The following FGF13 variants were observed in gnomAD, a reference collection of about 807,000 sequenced individuals.
FGF13 encodes fibroblast growth factor 13, also known as fibroblast growth factor homologous factor 2.
In FGF13, 2 loss-of-function variants were observed where a neutral mutation model predicts 19.5. The observed-to-expected ratio is 0.10, with a 90% CI of 0.04 to 0.32. FGF13 has a LOEUF of 0.32. Ranked by LOEUF, FGF13 falls within the 10% of genes least tolerant of loss-of-function variation. The pLI, the probability that FGF13 is intolerant of heterozygous loss-of-function variation, is 1.00. For synonymous variants in FGF13, 72 were observed against 76.9 expected (o/e 0.94, Z 0.33); for missense variants, 113 against 192.7 (o/e 0.59, Z 2.45).
chrX:138,804,237 G>C (rs2090850063), intron 3 of FGF13, among the ~76,000 whole-genome samples: 1 of 112,251 alleles, frequency 8.9e-6, no homozygotes, highest in Admixed American at 9.5e-5. Flanking sequence ...CTCTGCTTCT[G>C]ATTTATCCTC....
At chrX:139,090,813 C>T (rs186086020) in intron 1 of FGF13, among the ~76,000 whole-genome samples, 131 of 109,077 alleles carry the variant, frequency 1.2e-3, no homozygotes, top group Non-Finnish European at 2.0e-3. Context: ...TGCTAGTGCA[C>T]GGCTGCAGTC....
intron 2 of FGF13, among the ~76,000 whole-genome samples, chrX:138,861,311 G>C (rs2091287105): frequency 8.9e-6 from 1 of 112,260 alleles, no homozygotes; most frequent in Non-Finnish European, 1.9e-5. Flanking sequence ...GGTAAAGAAA[G>C]AACCAATCTT....
At chrX:138,641,845 A>C (rs1339965766) in intron 3 of FGF13, among the ~76,000 whole-genome samples, 1 of 112,002 alleles carries the variant, frequency 8.9e-6, no homozygotes, top group Admixed American at 9.5e-5. Flanking sequence ...CGATAAACAG[A>C]ATATGGATTG....
chrX:138,664,758 A>T (rs2089524216), intron 3 of FGF13, among the ~76,000 whole-genome samples: 1 of 111,100 alleles, frequency 9.0e-6, no homozygotes, highest in African/African-American at 3.3e-5. Context: ...GAAACAGAAG[A>T]AAAAAGATAG....
At chrX:138,749,676 A>G (rs1317471695) in intron 3 of FGF13, among the ~76,000 whole-genome samples, 1 of 111,723 alleles carries the variant, frequency 9.0e-6, no homozygotes, top group Non-Finnish European at 1.9e-5. Flanking sequence ...CAGATTTCAC[A>G]AGTACAAAGA....
chrX:139,024,694 C>T (rs2092194089), intron 1 of FGF13, among the ~76,000 whole-genome samples: 1 of 111,375 alleles, frequency 9.0e-6, no homozygotes, highest in African/African-American at 3.3e-5. Context: ...TTTAATGGAA[C>T]CTGGCTCTTC....
At chrX:138,811,887 C>G (rs2090928340) in intron 3 of FGF13, among the ~76,000 whole-genome samples, 1 of 110,970 alleles carries the variant, frequency 9.0e-6, no homozygotes, top group Non-Finnish European at 1.9e-5. Flanking sequence ...CCAATCCAAT[C>G]CATCATTACA....
chrX:138,744,750 T>A (rs1385968501), intron 3 of FGF13, among the ~76,000 whole-genome samples: 2 of 111,203 alleles, frequency 1.8e-5, no homozygotes, highest in East Asian at 2.9e-4. Flanking sequence ...AGCCCAGGGG[T>A]TAAAGGAACG....
chrX:138,780,806 C>G (rs2090634925), intron 3 of FGF13, among the ~76,000 whole-genome samples: 1 of 110,913 alleles, frequency 9.0e-6, no homozygotes, highest in Non-Finnish European at 1.9e-5. Context: ...ACCTCTGCAC[C>G]AAGCGGACCG....
intron 3 of FGF13, among the ~76,000 whole-genome samples, chrX:138,810,990 GT>G (rs1184031189): frequency 8.9e-6 from 1 of 112,225 alleles, no homozygotes; most frequent in Non-Finnish European, 1.9e-5. Context: ...GTTTTACACT[GT>G]TGGTGGGACT....
At chrX:139,065,183 C>T (rs1469597793) in intron 1 of FGF13, among the ~76,000 whole-genome samples, 1 of 111,120 alleles carries the variant, frequency 9.0e-6, no homozygotes, top group Non-Finnish European at 1.9e-5. Flanking sequence ...ACAATCAGTT[C>T]CAGCCACTAC....
Position 138,626,156 on chromosome X carries a change from G to A in FGF13, c.*6694C>T, listed in dbSNP as rs886406972. Reference sequence around the variant, plus strand: ...ATGCTCAAATAATACAGGCCTAAGTGGCTCATAATGTTTTTCTGGTAATGA... The same window carrying A: ...ATGCTCAAATAATACAGGCCTAAGTAGCTCATAATGTTTTTCTGGTAATGA... On this transcript the variant is annotated 3_prime_UTR_variant, in exon 5 of 5. Transcript: ENST00000315930. The A allele has an allele frequency of 2.7e-5, 3 of 112,010 alleles. No individual in the cohort carries two copies. Among genetic ancestry groups the A allele is most frequent in the Non-Finnish European group, 3.8e-5 (2 of 53,184 alleles). 9.2% of individuals were successfully genotyped at this position (112,010 alleles called of 1,213,427 possible).
At chrX:138,706,050 C>T (rs2089989192) in intron 2 of FGF13, among the ~76,000 whole-genome samples, 2 of 112,283 alleles carry the variant, frequency 1.8e-5, no homozygotes, top group Admixed American at 1.9e-4. Flanking sequence ...AGTTGGCACC[C>T]AGTGTTTGCT....
At chrX:138,791,236 T>C (rs970366697) in intron 3 of FGF13, among the ~76,000 whole-genome samples, 1 of 111,906 alleles carries the variant, frequency 8.9e-6, no homozygotes, top group African/African-American at 3.3e-5. Flanking sequence ...CACACCATCT[T>C]ATATAGGGCA....
At chrX:138,706,275 G>A (rs1296051760) in intron 2 of FGF13, among the ~76,000 whole-genome samples, 1 of 112,506 alleles carries the variant, frequency 8.9e-6, no homozygotes, top group East Asian at 2.8e-4. Flanking sequence ...GCCATGGAAT[G>A]TCTATCATCT....
intron 3 of FGF13, among the ~76,000 whole-genome samples, chrX:138,697,626 T>G (rs1394311522): frequency 9.0e-6 from 1 of 111,088 alleles, no homozygotes; most frequent in Non-Finnish European, 1.9e-5. Flanking sequence ...TACTGTGTAT[T>G]GTGAAAAAGG....
At chrX:138,859,156 G>A (rs924222579) in intron 2 of FGF13, among the ~76,000 whole-genome samples, 2 of 112,073 alleles carry the variant, frequency 1.8e-5, no homozygotes, top group African/African-American at 6.5e-5. Context: ...TAACTTCTTA[G>A]AATCTCGTTG....
intron 1 of FGF13, among the ~76,000 whole-genome samples, chrX:139,068,009 T>G (rs1270159814): frequency 1.9e-5 from 2 of 102,931 alleles, no homozygotes; most frequent in African/African-American, 7.5e-5. Flanking sequence ...ATTTGTCAAT[T>G]TTGTCTTTTG....
At position 138,624,431 on chromosome X, in the gene FGF13, G is replaced by T. The variant is rs1282449038; in HGVS notation, c.*8419C>A. On this transcript the variant is annotated 3_prime_UTR_variant, in exon 5 of 5. Transcript: ENST00000315930. ...CATACACAAAAATCAACTCAAAATCGATTAAAAACTTAAACATAAGACCTA... is the reference window on the plus strand; with the variant it reads ...CATACACAAAAATCAACTCAAAATCTATTAAAAACTTAAACATAAGACCTA... 1 of 111,753 alleles carries T rather than the reference G, an allele frequency of 8.9e-6. No individual in the cohort carries two copies. Among genetic ancestry groups the T allele is most frequent in the African/African-American group, 3.3e-5 (1 of 30,726 alleles). 9.2% of individuals were successfully genotyped at this position (111,753 alleles called of 1,213,427 possible). A position where few individuals can be genotyped will look rare whatever the true frequency, so the allele number is the denominator to read the frequency against.
Sources: gnomAD v4.1 joint callset for allele counts (sites outside exome capture counted in the v4.1 genomes callset) on GRCh38, gnomAD v4.1.1 for gene constraint, MANE v1.5 for transcripts, NCBI Gene and HGNC (gene_info 2026-07-23, HGNC 2026-07-21) for gene names.